KIAA1217: variants seen among roughly 807,000 people sequenced by gnomAD.
KIAA1217 encodes sickle tail protein homolog.
KIAA1217 carries 88 observed loss-of-function variants against 163.9 expected under a neutral mutation model. The ratio of observed to expected loss-of-function variants is 0.54; its 90% CI spans 0.45 to 0.64. The LOEUF is 0.64. KIAA1217 is among the 30% of genes least tolerant of loss of function. The pLI is 0.00. For synonymous variants in KIAA1217, 903 were observed against 923.1 expected (o/e 0.98, Z 0.39); for missense variants, 2,372 against 2,475.0 (o/e 0.96, Z 0.88).
intron 1 of KIAA1217, among the ~76,000 whole-genome samples, chr10:23,894,186 G>T (rs1240054786): frequency 0.019 from 2,847 of 149,188 alleles, 84 homozygotes; most frequent in African/African-American, 0.063. Flanking sequence ...ATTAGGAAAA[G>T]AGGAAGTCAA....
intron 1 of KIAA1217, among the ~76,000 whole-genome samples, chr10:23,968,311 T>C (rs973395000): frequency 1.3e-5 from 2 of 152,218 alleles, no homozygotes; most frequent in Non-Finnish European, 2.9e-5. Context: ...AGAAACTGTT[T>C]AACAATGAAT....
At chr10:23,720,965 C>G (rs550751938) in intron 1 of KIAA1217, among the ~76,000 whole-genome samples, 1 of 152,074 alleles carries the variant, frequency 6.6e-6, no homozygotes, top group African/African-American at 2.4e-5. Flanking sequence ...CCACTGACAC[C>G]TTTGTAACTT....
At chr10:24,307,604 C>T (rs573350658) in intron 2 of KIAA1217, among the ~76,000 whole-genome samples, 28 of 137,440 alleles carry the variant, frequency 2.0e-4, no homozygotes, top group African/African-American at 8.1e-4. Flanking sequence ...AATGAGACCC[C>T]ATCTCTCCAA....
chr10:24,221,661 C>T (rs760148590), intron 2 of KIAA1217, among the ~76,000 whole-genome samples: 1 of 152,170 alleles, frequency 6.6e-6, no homozygotes, highest in Non-Finnish European at 1.5e-5. Flanking sequence ...ACACTTCCAA[C>T]AGTCAGTAAA....
chr10:24,353,772 A>G (rs2048744887), intron 2 of KIAA1217, among the ~76,000 whole-genome samples: 1 of 152,232 alleles, frequency 6.6e-6, no homozygotes, highest in South Asian at 2.1e-4. Context: ...ATGAGCATAC[A>G]TTCTATTTTA....
At chr10:24,500,375 C>T (rs117149306) in intron 8 of KIAA1217, among the ~76,000 whole-genome samples, 12,043 of 139,608 alleles carry the variant, frequency 0.086, 710 homozygotes, top group Non-Finnish European at 0.12. Context: ...TGGATCCAGC[C>T]TCTACTCCAG....
chr10:24,522,004 C>A, intron 12 of KIAA1217, 75 bp downstream of exon 12: 1 of 1,509,884 alleles, frequency 6.6e-7, no homozygotes, highest in Non-Finnish European at 9.0e-7. Flanking sequence ...ACGTTTGGGA[C>A]TTCAGCCTTC....
intron 1 of KIAA1217, among the ~76,000 whole-genome samples, chr10:23,717,876 A>G (rs930599990): frequency 4.6e-5 from 7 of 152,220 alleles, no homozygotes; most frequent in African/African-American, 1.7e-4. Context: ...CAGTTCATCT[A>G]ACAATGAGAC....
At chr10:24,443,511 A>G (rs1203110179) in intron 5 of KIAA1217, among the ~76,000 whole-genome samples, 2 of 152,018 alleles carry the variant, frequency 1.3e-5, no homozygotes, top group Non-Finnish European at 2.9e-5. Flanking sequence ...CTACTCATCT[A>G]ACATATTCCA....
chr10:24,459,141 G>A (rs1297562889), intron 5 of KIAA1217, among the ~76,000 whole-genome samples: 1 of 152,150 alleles, frequency 6.6e-6, no homozygotes, highest in Non-Finnish European at 1.5e-5. Context: ...TAACTCACTG[G>A]TTGGGTCGGT....
chr10:24,544,329 G>C lies in KIAA1217; in HGVS notation c.5059G>C (p.Ala1687Pro), dbSNP rs2135504481. Residue 1687 changes from alanine (A) to proline (P), a missense_variant, in exon 19 of 21, where the codon GCC (alanine) becomes CCC (proline). By Grantham distance (27) the Ala-to-Pro change is conservative. Transcript: ENST00000376454. ...ENTISEMSPK[A>P]LVDTSCSSNR... ...TACAATCAGTGAAATGAGTCCCAAA[G>C]CCCTAGTTGATACCTCATGTTCTTC... is the stretch of plus-strand genomic sequence containing the variant. 1 of 1,614,134 alleles carries C rather than the reference G, an allele frequency of 6.2e-7. No individual in the cohort carries two copies. Among genetic ancestry groups the C allele is most frequent in the East Asian group, 2.2e-5 (1 of 44,868 alleles).
chr10:23,839,432 G>A (rs1838661548), intron 1 of KIAA1217, among the ~76,000 whole-genome samples: 1 of 152,170 alleles, frequency 6.6e-6, no homozygotes, highest in Non-Finnish European at 1.5e-5. Flanking sequence ...TCACTCTTCA[G>A]ATCCGCTTTT....
chr10:24,212,958 T>TA (rs1564838441), intron 1 of KIAA1217, among the ~76,000 whole-genome samples: 1 of 152,152 alleles, frequency 6.6e-6, no homozygotes, highest in Non-Finnish European at 1.5e-5. Flanking sequence ...CTGCTATAGA[T>TA]AAGGATCCCT....
At position 24,416,706 on chromosome 10, in the gene KIAA1217, C is replaced by A. The variant is rs140852827; in HGVS notation, c.554-16289C>A. Among the ~76,000 whole-genome samples, 49 of 152,274 alleles carry A rather than the reference C, an allele frequency of 3.2e-4. No homozygotes were observed. The East Asian group carries it at 7.5e-3, about 23-fold the overall frequency. On this transcript the variant is annotated intron_variant, in intron 3 of 20. Transcript: ENST00000376454. ...TCATGTGATCAGGAAGGGTCCCCCCCACATCCCAGCCTGCAGCAAGCCATC... is the reference window on the plus strand; with the variant it reads ...TCATGTGATCAGGAAGGGTCCCCCCAACATCCCAGCCTGCAGCAAGCCATC...
intron 2 of KIAA1217, among the ~76,000 whole-genome samples, chr10:24,251,886 G>T (rs556376072): frequency 6.6e-6 from 1 of 151,230 alleles, no homozygotes; most frequent in Non-Finnish European, 1.5e-5. Flanking sequence ...AAAAAGGGGC[G>T]GGGAGCTAAG....
At chr10:24,173,249 C>T (rs997991579) in intron 2 of KIAA1217, among the ~76,000 whole-genome samples, 8 of 152,150 alleles carry the variant, frequency 5.3e-5, no homozygotes, top group African/African-American at 1.7e-4. Context: ...TGATCTGTCA[C>T]CGTCCCCTAT....
At chr10:24,238,235 C>T (rs2072554910) in intron 2 of KIAA1217, among the ~76,000 whole-genome samples, 1 of 152,204 alleles carries the variant, frequency 6.6e-6, no homozygotes, top group Admixed American at 6.5e-5. Context: ...CAGCTCCCTG[C>T]TGAGTTCCTC....
chr10:24,304,669 A>G (rs2041803529), intron 2 of KIAA1217, among the ~76,000 whole-genome samples: 1 of 152,044 alleles, frequency 6.6e-6, no homozygotes, highest in Non-Finnish European at 1.5e-5. Context: ...GCCCCTTCAG[A>G]CAGTTCTTCT....
chr10:24,520,417 G>A (rs2070917895), intron 11 of KIAA1217, among the ~76,000 whole-genome samples, 164 bp downstream of exon 11: 2 of 151,736 alleles, frequency 1.3e-5, no homozygotes, highest in Admixed American at 1.3e-4. Flanking sequence ...CACAAAGTAG[G>A]TGCACATCCC....
Sources: allele counts gnomAD v4.1 joint callset (sites outside exome capture counted in the v4.1 genomes callset), GRCh38; gene constraint gnomAD v4.1.1; transcripts MANE v1.5; gene names NCBI Gene and HGNC (gene_info 2026-07-23, HGNC 2026-07-21).